NR3C1: variants seen among roughly 807,000 people sequenced by gnomAD.
NR3C1 encodes glucocorticoid receptor.
In NR3C1, 14 loss-of-function variants were observed where a neutral mutation model predicts 74.0. The observed-to-expected ratio is 0.19, with a 90% CI of 0.12 to 0.30. NR3C1 has a LOEUF of 0.30. Ranked by LOEUF, NR3C1 falls within the 10% of genes least tolerant of loss-of-function variation. The pLI is 1.00. For missense variants in NR3C1, 695 were observed against 909.8 expected (o/e 0.76, Z 3.04); for synonymous variants, 308 against 332.5 (o/e 0.93, Z 0.80).
intron 2 of NR3C1, among the ~76,000 whole-genome samples, chr5:143,369,212 C>T (rs933624689): frequency 4.6e-5 from 7 of 152,136 alleles, no homozygotes; most frequent in African/African-American, 1.7e-4. Flanking sequence ...TAGGCAAGGA[C>T]AGAGAAATTG....
chr5:143,293,837 T>A (rs950752044), intron 7 of NR3C1: 5 of 941,798 alleles, frequency 5.3e-6, no homozygotes, highest in Non-Finnish European at 6.3e-6. Context: ...GCTCAATTAG[T>A]CTGGGATGTA....
At chr5:143,415,296 C>T (rs1370998738) in intron 1 of NR3C1, among the ~76,000 whole-genome samples, 1 of 151,506 alleles carries the variant, frequency 6.6e-6, no homozygotes, top group Admixed American at 6.6e-5. Context: ...TCTTTAAAAA[C>T]TTTTATTATG....
chr5:143,320,096 TG>T (rs1281127495), intron 2 of NR3C1, among the ~76,000 whole-genome samples: 3 of 152,228 alleles, frequency 2.0e-5, no homozygotes, highest in Admixed American at 2.0e-4. Context: ...AATACTCAGC[TG>T]CACACACCAG....
At chr5:143,352,434 A>G (rs970995115) in intron 2 of NR3C1, among the ~76,000 whole-genome samples, 2 of 152,178 alleles carry the variant, frequency 1.3e-5, no homozygotes, top group African/African-American at 4.8e-5. Flanking sequence ...TTCCCTAATT[A>G]TAATTTATCA....
intron 7 of NR3C1, 74 bp from the exon 8 acceptor site, chr5:143,282,799 A>AGAT (rs917024540): frequency 7.2e-6 from 10 of 1,390,972 alleles, no homozygotes; most frequent in African/African-American, 4.6e-5. Context: ...TTTTTGAGAT[A>AGAT]GATAGGGTCT....
chr5:143,396,378 T>A (rs1453007138), intron 2 of NR3C1, among the ~76,000 whole-genome samples: 1 of 151,706 alleles, frequency 6.6e-6, no homozygotes, highest in Non-Finnish European at 1.5e-5. Context: ...ACCAGAAATA[T>A]TAAGCTTAAA....
At chr5:143,389,847 C>T in intron 2 of NR3C1, 1 of 576,084 alleles carries the variant, frequency 1.7e-6, no homozygotes, top group Non-Finnish European at 2.2e-6. Flanking sequence ...TAAAGCAGTG[C>T]AGAGAAAACC....
intron 1 of NR3C1, among the ~76,000 whole-genome samples, chr5:143,424,669 A>C (rs939246367): frequency 5.3e-5 from 8 of 152,188 alleles, no homozygotes; most frequent in African/African-American, 1.9e-4. Context: ...AAATAAAGAT[A>C]TGTATGTGTA....
At chr5:143,404,050 C>T (rs958473344), upstream of NR3C1, 11 of 985,498 alleles carry the variant, frequency 1.1e-5, no homozygotes, top group Non-Finnish European at 1.3e-5. Context: ...CTCGCTACCT[C>T]CTTCCCGCCC....
intron 2 of NR3C1, among the ~76,000 whole-genome samples, chr5:143,380,400 T>A (rs904917832): frequency 2.7e-5 from 4 of 148,606 alleles, no homozygotes; most frequent in African/African-American, 1.0e-4. Flanking sequence ...ACAAAAACCA[T>A]TTTTTTTTAA....
chr5:143,308,383 G>C (rs978867171), intron 4 of NR3C1, among the ~76,000 whole-genome samples: 2 of 152,132 alleles, frequency 1.3e-5, no homozygotes, highest in Non-Finnish European at 2.9e-5. Flanking sequence ...AAGATGGCTT[G>C]AGTCTAGGAG....
At chr5:143,402,596 C>T (rs1192065027) in intron 1 of NR3C1, 4 of 985,316 alleles carry the variant, frequency 4.1e-6, no homozygotes, top group South Asian at 4.7e-5. Context: ...AGAAGTACGT[C>T]CAGACCTGTT....
rs149497548 is a variant in NR3C1 at position 143,323,424 on chromosome 5, C to T, written c.1185-9256G>A. Among the ~76,000 whole-genome samples the T allele has an allele frequency of 3.2e-3, 486 of 152,262 alleles. 15 individuals carry two copies. Among genetic ancestry groups the T allele is most frequent in the Admixed American group, 0.03 (456 of 15,278 alleles). ...AGATCTCGTCAGTCTTATTCACTATCATGAGAATAGCACAGGAAAGACCAG... is the reference window on the plus strand; with the variant it reads ...AGATCTCGTCAGTCTTATTCACTATTATGAGAATAGCACAGGAAAGACCAG... On this transcript the variant is annotated intron_variant, in intron 2 of 8. Coordinates refer to ENST00000394464, the MANE Select transcript of NR3C1 (RefSeq NM_000176.3).
At chr5:143,284,925 G>C (rs947049206) in intron 7 of NR3C1, among the ~76,000 whole-genome samples, 1 of 152,112 alleles carries the variant, frequency 6.6e-6, no homozygotes, top group South Asian at 2.1e-4. Flanking sequence ...GAAAGAGATT[G>C]AAGTTTGGGG....
chr5:143,361,934 C>T (rs765588759), intron 2 of NR3C1, among the ~76,000 whole-genome samples: 12 of 152,090 alleles, frequency 7.9e-5, no homozygotes, highest in Non-Finnish European at 1.5e-4. Context: ...TTGGTCAATA[C>T]GAATTCATTT....
At chr5:143,421,309 C>T (rs989365421) in intron 1 of NR3C1, among the ~76,000 whole-genome samples, 8 of 152,140 alleles carry the variant, frequency 5.3e-5, no homozygotes, top group Non-Finnish European at 8.8e-5. Context: ...TATCCTTCAT[C>T]CCTTATTTTC....
At chr5:143,340,009 T>C (rs558619773) in intron 2 of NR3C1, among the ~76,000 whole-genome samples, 4 of 152,286 alleles carry the variant, frequency 2.6e-5, no homozygotes, top group Admixed American at 2.6e-4. Flanking sequence ...TAATTTAGCA[T>C]GGTCACAGGA....
At position 143,300,877 on chromosome 5, in the gene NR3C1, T is replaced by C. The variant is rs1381736441; in HGVS notation, c.1469-114A>G. The C allele has an allele frequency of 9.0e-7, 1 of 1,108,968 alleles. No individual in the cohort carries two copies. Among genetic ancestry groups the C allele is most frequent in the African/African-American group, 1.6e-5 (1 of 62,786 alleles). The allele number at this position is 1,108,968 out of a possible 1,614,324, so 68.7% of individuals were successfully genotyped here. ...AAAACTATTAAGATGGGAGAAATAT[T>C]TTATTTAGCAATTATGATAAAGTGA... On this transcript the variant is annotated intron_variant, in intron 4 of 8. Transcript: ENST00000394464. The surrounding 1 kb of genome is among the most constrained non-coding windows in gnomAD (Gnocchi z 5.2).
At chr5:143,404,598 C>T, upstream of NR3C1, 2 of 884,612 alleles carry the variant, frequency 2.3e-6, no homozygotes, top group Non-Finnish European at 2.7e-6. Flanking sequence ...AACCCCCACC[C>T]CTCCCGCCCA....
Sources: allele counts gnomAD v4.1 joint callset (sites outside exome capture counted in the v4.1 genomes callset), GRCh38; gene constraint gnomAD v4.1.1; non-coding constraint Gnocchi (gnomAD v3.1); transcripts MANE v1.5; gene names NCBI Gene and HGNC (gene_info 2026-07-23, HGNC 2026-07-21).